Variants in RALGAPB observed in about 807,000 individuals in gnomAD.
RALGAPB encodes ral GTPase-activating protein subunit beta.
In RALGAPB, 25 loss-of-function variants were observed where a neutral mutation model predicts 161.1. The ratio of observed to expected loss-of-function variants is 0.16; its 90% CI spans 0.11 to 0.22. The LOEUF (loss-of-function observed/expected upper bound fraction) is 0.22, where lower values mean the gene tolerates loss of function less well. Ranked by LOEUF, RALGAPB falls within the 10% of genes least tolerant of loss-of-function variation. The pLI, the probability that RALGAPB is intolerant of heterozygous loss-of-function variation, is 1.00. For missense variants in RALGAPB, 1,391 were observed against 1,815.2 expected, an observed-to-expected ratio of 0.77 and a Z score of 4.25; for synonymous variants, 629 against 626.1, an observed-to-expected ratio of 1.00 and a Z score of -0.07.
chr20:38,482,612 A>G (rs2085001739), intron 1 of RALGAPB, among the ~76,000 whole-genome samples: 1 of 151,932 alleles, frequency 6.6e-6, no homozygotes, highest in African/African-American at 2.4e-5. Flanking sequence ...ATTTTTTAGT[A>G]AAGACAGGGT....
intron 19 of RALGAPB, among the ~76,000 whole-genome samples, chr20:38,548,332 T>G (rs2087244049): frequency 6.6e-6 from 1 of 152,362 alleles, no homozygotes; most frequent in East Asian, 1.9e-4. Flanking sequence ...ACTAGGACAG[T>G]GTTTCCCACA....
chr20:38,528,343 ATTTT>A (rs1406748435), intron 13 of RALGAPB, among the ~76,000 whole-genome samples: 6 of 144,968 alleles, frequency 4.1e-5, no homozygotes, highest in African/African-American at 1.4e-4. Flanking sequence ...CATTCATTTT[ATTTT>A]TATTTATTTA....
At position 38,541,121 on chromosome 20, in the gene RALGAPB, G is replaced by T. The variant is rs756389834; in HGVS notation, c.2643G>T (p.Lys881Asn). The T allele has an allele frequency of 1.2e-6, 2 of 1,613,980 alleles. No homozygotes were observed. Among genetic ancestry groups the T allele is most frequent in the Admixed American group, 1.7e-5 (1 of 59,996 alleles). ...SKSKNNEQEVKYKGDKEPNPA... is the reference protein window; with the variant it reads ...SKSKNNEQEVNYKGDKEPNPA... Reference sequence around the variant, plus strand: ...CCAAGAACAATGAGCAAGAGGTCAAGTACAAAGGAGATAAGGAGCCAAACC... The same window carrying T: ...CCAAGAACAATGAGCAAGAGGTCAATTACAAAGGAGATAAGGAGCCAAACC... Residue 881 changes from lysine to asparagine, a missense_variant, in exon 18 of 30, where the codon AAG becomes AAT. Lys to Asn is a moderately conservative substitution (Grantham distance 94). Coordinates refer to ENST00000262879, the MANE Select transcript of RALGAPB (RefSeq NM_020336.4).
rs2087962815 is a variant in RALGAPB, at chr20:38,565,494, C to T, written c.3817+16C>T. 6.2e-7 allele frequency: 1 copy of T among 1,611,598 alleles called. No individual in the cohort carries two copies. The highest frequency in any genetic ancestry group is 1.3e-5 in the African/African-American group (1 of 74,904). ...GAGTCCTTAAGTAAGATGATTTTTG[C>T]ATGGTCCTGTTTTAGGATCTATTTT... On this transcript the variant is annotated intron_variant, in intron 25 of 29. Transcript: ENST00000262879.
chr20:38,529,716 G>A (rs915324093), intron 13 of RALGAPB, among the ~76,000 whole-genome samples: 13 of 151,038 alleles, frequency 8.6e-5, no homozygotes, highest in African/African-American at 2.2e-4. Flanking sequence ...GGTGGCAGGC[G>A]CCTGTAATTC....
rs774887610 is a variant in RALGAPB, at chr20:38,562,702, AACTC to A, written c.3697+8_3697+11del. On this transcript the variant is annotated splice_donor_region_variant and intron_variant, in intron 24 of 29. Coordinates refer to ENST00000262879, the MANE Select transcript of RALGAPB (RefSeq NM_020336.4). ...ATGGTGAAGGATCTCAACAAGGTAA[AACTC>A]ACAGTGTTTCAAATGTCAGTTGTTT... 28 of 1,588,318 alleles carry A rather than the reference AACTC, an allele frequency of 1.8e-5. No homozygotes were observed. The highest frequency in any genetic ancestry group is 2.3e-5 in the Non-Finnish European group (27 of 1,171,272).
intron 18 of RALGAPB, among the ~76,000 whole-genome samples, chr20:38,543,980 AACACG>A (rs1457953212): frequency 6.6e-6 from 1 of 152,212 alleles, no homozygotes; most frequent in Non-Finnish European, 1.5e-5. Context: ...CACAGTGCTG[AACACG>A]TAGTAGAAAA....
At chr20:38,476,531 G>A (rs2084808253) in intron 1 of RALGAPB, among the ~76,000 whole-genome samples, 1 of 152,098 alleles carries the variant, frequency 6.6e-6, no homozygotes, top group Admixed American at 6.6e-5. Context: ...GTGTATTGTT[G>A]TGTTGTGTTT....
At chr20:38,511,486 G>C (rs1264876361) in intron 6 of RALGAPB, among the ~76,000 whole-genome samples, 1 of 152,126 alleles carries the variant, frequency 6.6e-6, no homozygotes, top group South Asian at 2.1e-4. Context: ...GCCGCCTTCC[G>C]CAGTGTTTGT....
chr20:38,563,013 T>C (rs1244335790), intron 24 of RALGAPB, among the ~76,000 whole-genome samples: 1 of 152,146 alleles, frequency 6.6e-6, no homozygotes, highest in African/African-American at 2.4e-5. Flanking sequence ...GGATTGGAGC[T>C]ATGATCATGC....
intron 15 of RALGAPB, 116 bp downstream of exon 15, chr20:38,532,975 A>T (rs2086701969): frequency 8.7e-7 from 1 of 1,155,114 alleles, no homozygotes; most frequent in Admixed American, 2.7e-5. Flanking sequence ...CTTAAGTATA[A>T]TAGAGAGGAT....
chr20:38,560,218 A>G (rs149682553), intron 23 of RALGAPB, among the ~76,000 whole-genome samples: 72 of 152,288 alleles, frequency 4.7e-4, no homozygotes, highest in African/African-American at 1.7e-3. Context: ...AAACTACTGC[A>G]TAGAAGGGAA....
At chr20:38,570,282 A>G (rs1364798065) in intron 27 of RALGAPB, among the ~76,000 whole-genome samples, 2 of 152,192 alleles carry the variant, frequency 1.3e-5, no homozygotes, top group Non-Finnish European at 1.5e-5. Context: ...GTTTGTTGCC[A>G]GTTGGTCTCA....
intron 5 of RALGAPB, among the ~76,000 whole-genome samples, chr20:38,500,242 T>G (rs76142116): frequency 6.9e-6 from 1 of 144,916 alleles, no homozygotes; most frequent in Non-Finnish European, 1.5e-5. Context: ...GGATACCATG[T>G]TTTTTTTTTT....
intron 6 of RALGAPB, among the ~76,000 whole-genome samples, chr20:38,514,412 C>T (rs1055256964): frequency 6.6e-6 from 1 of 152,288 alleles, no homozygotes; most frequent in South Asian, 2.1e-4. Context: ...GGGGCTTTCC[C>T]TTTGCTTAGT....
intron 16 of RALGAPB, among the ~76,000 whole-genome samples, chr20:38,536,181 A>G (rs766078759): frequency 6.6e-5 from 10 of 152,282 alleles, no homozygotes; most frequent in South Asian, 4.2e-4. Context: ...TTTCATCTCA[A>G]TGGGTCTACC....
intron 18 of RALGAPB, among the ~76,000 whole-genome samples, chr20:38,543,327 A>G (rs913033522): frequency 6.6e-6 from 1 of 152,220 alleles, no homozygotes; most frequent in South Asian, 2.1e-4. Flanking sequence ...CCCCATGTAC[A>G]TGAGCCAGTG....
chr20:38,546,285 T>C lies in RALGAPB; in HGVS notation c.2757T>C (p.Pro919=), dbSNP rs1481722378. The C allele has an allele frequency of 1.9e-6, 3 of 1,614,074 alleles. No homozygotes were observed. The highest frequency in any genetic ancestry group is 2.7e-5 in the African/African-American group (2 of 74,940). ...LLGAFPSPSG[P]ASPCSLVNET... The stretch of plus-strand genomic sequence containing the variant: ...GCGCATTTCCTTCACCTAGTGGTCC[T>C]GCCTCTCCTTGTAGTCTTGTGAATG... The change falls in exon 19 of 30, where the codon CCT becomes CCC. Residue 919 remains proline (P), a synonymous_variant. Transcript: ENST00000262879.
intron 5 of RALGAPB, among the ~76,000 whole-genome samples, chr20:38,500,595 G>A (rs2085559866): frequency 6.6e-6 from 1 of 152,126 alleles, no homozygotes; most frequent in African/African-American, 2.4e-5. Flanking sequence ...TGGCCTCAAA[G>A]TGGTCGAGTG....
Sources: allele counts gnomAD v4.1 joint callset (sites outside exome capture counted in the v4.1 genomes callset), GRCh38; gene constraint gnomAD v4.1.1; transcripts MANE v1.5; gene names NCBI Gene and HGNC (gene_info 2026-07-23, HGNC 2026-07-21).